PRR29: variants seen among roughly 807,000 people sequenced by gnomAD.
PRR29 encodes proline-rich protein 29.
In PRR29, 20 loss-of-function variants were observed where a neutral mutation model predicts 25.1. The ratio of observed to expected loss-of-function variants is 0.80; its 90% CI spans 0.56 to 1.16. The LOEUF is 1.16. Among genes scored for constraint, PRR29 ranks in the 50% most tolerant of loss-of-function variants. The probability of loss-of-function intolerance (pLI) is 0.00; values close to 1 mark genes in which losing one functional copy is unlikely to be tolerated. For synonymous variants in PRR29, 108 were observed against 102.6 expected (o/e 1.05, Z -0.32); for missense variants, 238 against 246.6 (o/e 0.97, Z 0.23).
rs1186495158 is a variant in PRR29 at position 64,003,744 on chromosome 17, A to G, written c.*1983A>G. On this transcript the variant is annotated 3_prime_UTR_variant, in exon 6 of 6. Transcript: ENST00000412177. ...CCAGGCAGGAGAAGTTGCGGTGGCCATCCTCTCTGTCAGCCGTGCTGTTGA... is the reference window on the plus strand; with the variant it reads ...CCAGGCAGGAGAAGTTGCGGTGGCCGTCCTCTCTGTCAGCCGTGCTGTTGA... 6.2e-7 allele frequency: 1 copy of G among 1,614,104 alleles called. No individual in the cohort carries two copies. Among genetic ancestry groups the G allele is most frequent in the African/African-American group, 1.3e-5 (1 of 74,938 alleles).
intron 3 of PRR29, among the ~76,000 whole-genome samples, chr17:64,000,289 TA>T (rs1910551560): frequency 6.6e-6 from 1 of 152,216 alleles, no homozygotes; most frequent in Non-Finnish European, 1.5e-5. Context: ...CCGCATGTAG[TA>T]AACGCTCAAT....
Position 64,001,542 on chromosome 17 carries a change from G to A in PRR29, c.541+5G>A. On this transcript the variant is annotated splice_donor_5th_base_variant and intron_variant, in intron 5 of 5. Coordinates refer to ENST00000412177, the MANE Select transcript of PRR29 (RefSeq NM_001164257.2). ...CTGATGTACCCCCGGCTTCAGGTAG[G>A]GCTGGGGTGGTGGGCAGCGGGGCCC... 6.6e-7 allele frequency: 1 copy of A among 1,517,982 alleles called. No individual in the cohort carries two copies. The highest frequency in any genetic ancestry group is 8.8e-7 in the Non-Finnish European group (1 of 1,138,988). 94.0% of individuals were successfully genotyped at this position (1,517,982 alleles called of 1,614,324 possible).
chr17:64,001,165 C>CA lies in PRR29; in HGVS notation c.326dup (p.His109GlnfsTer67), dbSNP rs1910701139. On this transcript the variant is annotated frameshift_variant, in exon 4 of 6. Coordinates refer to ENST00000412177, the MANE Select transcript of PRR29 (RefSeq NM_001164257.2). LOFTEE classifies it high-confidence loss of function. ...GCGGGAGAAAGGGCCTTTGGTGTTTCACCACCACTACTTGCCCTATTTGAT... is the reference window on the plus strand; with the variant it reads ...GCGGGAGAAAGGGCCTTTGGTGTTTCAACCACCACTACTTGCCCTATTTGAT... 6.5e-7 allele frequency: 1 copy of CA among 1,537,336 alleles called. No individual in the cohort carries two copies. The highest frequency in any genetic ancestry group is 8.7e-7 in the Non-Finnish European group (1 of 1,146,966).
Position 64,002,011 on chromosome 17 carries a change from A to T in PRR29, c.*250A>T. On this transcript the variant is annotated 3_prime_UTR_variant, in exon 6 of 6. Transcript: ENST00000412177. ...GAGCACCACCCAGGCCCTTGAAGCC[A>T]CGTCAGCCCGCCTCTGCCCCACTGC... The T allele has an allele frequency of 6.5e-7, 1 of 1,526,860 alleles. No individual in the cohort carries two copies. The highest frequency in any genetic ancestry group is 1.2e-5 in the South Asian group (1 of 83,678). 94.6% of individuals were successfully genotyped at this position (1,526,860 alleles called of 1,614,324 possible).
At chr17:63,999,262 A>AC (rs891051406) in intron 3 of PRR29, 188 bp downstream of exon 3, 25 of 596,060 alleles carry the variant, frequency 4.2e-5, no homozygotes, top group Admixed American at 3.3e-4. Context: ...CGGGGAAGAG[A>AC]CCCCCCAAAG....
chr17:63,998,423 C>G lies in PRR29; in HGVS notation c.59C>G (p.Thr20Arg). Residue 20 changes from threonine (T) to arginine (R), a missense_variant and splice_region_variant, in exon 1 of 6, where the codon ACG becomes AGG. Physicochemically the swap from Thr to Arg is moderately conservative, Grantham distance 71 (BLOSUM62 -1). Coordinates refer to ENST00000412177, the MANE Select transcript of PRR29 (RefSeq NM_001164257.2). ...GRSPPQSAVP[T>R]PWVTFLQPLS... ...TCCCCACCGCAGAGCGCAGTCCCGA[C>G]GGTGAGGGCTGAGCCCGGGAGCAGA... 6.7e-7 allele frequency: 1 copy of G among 1,489,046 alleles called. No individual in the cohort carries two copies. The highest frequency in any genetic ancestry group is 1.3e-5 in the South Asian group (1 of 77,918). 92.2% of individuals were successfully genotyped at this position (1,489,046 alleles called of 1,614,324 possible). A position where few individuals can be genotyped will look rare whatever the true frequency, so the allele number is the denominator to read the frequency against.
Position 64,001,524 on chromosome 17 carries a change from A to G in PRR29, c.528A>G (p.Val176=), listed in dbSNP as rs1567841261. 1.3e-6 allele frequency: 2 copies of G among 1,515,912 alleles called. No homozygotes were observed. Among genetic ancestry groups the G allele is most frequent in the East Asian group, 2.4e-5 (1 of 40,826 alleles). The allele number at this position is 1,515,912 out of a possible 1,614,324, so 93.9% of individuals were successfully genotyped here. ...PSATGTVGAD[V]PPASDYYDAE... ...CCACAGGGACTGTGGGTGCTGATGT[A>G]CCCCCGGCTTCAGGTAGGGCTGGGG... The change falls in exon 5 of 6, where the codon GTA becomes GTG. Residue 176 remains valine (V), a synonymous_variant. Coordinates refer to ENST00000412177, the MANE Select transcript of PRR29 (RefSeq NM_001164257.2).
intron 4 of PRR29, 55 bp downstream of exon 4, chr17:64,001,365 A>AG: frequency 6.6e-7 from 1 of 1,507,638 alleles, no homozygotes; most frequent in Non-Finnish European, 8.9e-7. Context: ...GTTGCAGAAG[A>AG]GCTGTGCAGG....
Position 64,003,560 on chromosome 17 carries a change from C to T in PRR29, c.*1799C>T. 6.2e-6 allele frequency: 8 copies of T among 1,298,624 alleles called. No individual in the cohort carries two copies. Among genetic ancestry groups the T allele is most frequent in the Non-Finnish European group, 8.7e-6 (8 of 919,974 alleles). The allele number at this position is 1,298,624 out of a possible 1,614,324, so 80.4% of individuals were successfully genotyped here. ...GGGTGGGCTCCTGGGTGTTTGCTTCCCAAGTGGGACTCAAGATTTTTCTTC... is the reference window on the plus strand; with the variant it reads ...GGGTGGGCTCCTGGGTGTTTGCTTCTCAAGTGGGACTCAAGATTTTTCTTC... On this transcript the variant is annotated 3_prime_UTR_variant, in exon 6 of 6. Transcript: ENST00000412177.
chr17:64,001,122 G>A lies in PRR29; in HGVS notation c.282G>A (p.Glu94=), dbSNP rs1175761338. Residue 94 remains glutamate, a synonymous_variant, in exon 4 of 6, where the codon GAG becomes GAA. Transcript: ENST00000412177. The part of the protein sequence containing the change: ...LEVPQEEPEE[E]EEEMDVREKG... ...TTCCACAGGAAGAGCCTGAGGAGGA[G>A]GAGGAGGAGATGGACGTGCGGGAGA... 4 of 1,537,418 alleles carry A rather than the reference G, an allele frequency of 2.6e-6. No homozygotes were observed. The highest frequency in any genetic ancestry group is 3.5e-6 in the Non-Finnish European group (4 of 1,147,006).
chr17:64,001,444 T>C, intron 4 of PRR29, 23 bp from the exon 5 acceptor site: 1 of 1,493,974 alleles, frequency 6.7e-7, no homozygotes, highest in Non-Finnish European at 8.9e-7. Context: ...CTGATGGGGG[T>C]CTTTTTCTTT....
chr17:63,999,322 C>A (rs1567839053), intron 3 of PRR29: 6 of 562,154 alleles, frequency 1.1e-5, no homozygotes, highest in Non-Finnish European at 1.6e-5. Flanking sequence ...GTAGTGCCTC[C>A]CCCACTGGAC....
At position 64,001,517 on chromosome 17, in the gene PRR29, C is replaced by G; in HGVS notation, c.521C>G (p.Ala174Gly). 1 of 1,516,482 alleles carries G rather than the reference C, an allele frequency of 6.6e-7. No homozygotes were observed. The highest frequency in any genetic ancestry group is 1.2e-5 in the South Asian group (1 of 80,932). The allele number at this position is 1,516,482 out of a possible 1,614,324, so 93.9% of individuals were successfully genotyped here. ...CCCAGTGCCACAGGGACTGTGGGTG[C>G]TGATGTACCCCCGGCTTCAGGTAGG... ...PPPSATGTVG[A>G]DVPPASDYYD... Residue 174 changes from alanine to glycine, a missense_variant, in exon 5 of 6, where the codon GCT becomes GGT. By Grantham distance (60) the Ala-to-Gly change is moderately conservative. Coordinates refer to ENST00000412177, the MANE Select transcript of PRR29 (RefSeq NM_001164257.2).
At chr17:63,998,448 A>G (rs1910269094) in intron 1 of PRR29, 24 bp downstream of exon 1, 1 of 1,464,436 alleles carries the variant, frequency 6.8e-7, no homozygotes, top group Non-Finnish European at 9.0e-7. Flanking sequence ...CCGGGAGCAG[A>G]TCCTGCCTTA....
rs1910850699 is a variant in PRR29, at chr17:64,002,592, G to A, written c.*831G>A. ...CCAGGAGGAGACACTGTGGGCACAG[G>A]GCTAAGTCCAGGTGTTTGTATTCGG... On this transcript the variant is annotated 3_prime_UTR_variant, in exon 6 of 6. Coordinates refer to ENST00000412177, the MANE Select transcript of PRR29 (RefSeq NM_001164257.2). The A allele has an allele frequency of 1.3e-5, 9 of 692,448 alleles. No individual in the cohort carries two copies. The highest frequency in any genetic ancestry group is 1.4e-5 in the Non-Finnish European group (6 of 419,194). 42.9% of individuals were successfully genotyped at this position (692,448 alleles called of 1,614,324 possible).
In PRR29 at chr17:64,001,490, C is replaced by T; in HGVS notation, c.494C>T (p.Pro165Leu). The change falls in exon 5 of 6, where the codon CCC becomes CTC. Residue 165 changes from proline (P) to leucine (L), a missense_variant. Pro to Leu is a moderately conservative substitution (Grantham distance 98, BLOSUM62 -3). Transcript: ENST00000412177. ...AGGAGAGCTGTGCCCCCACCCCCAC[C>T]CCCCAGTGCCACAGGGACTGTGGGT... The part of the protein sequence containing the change: ...REVRAVPPPP[P>L]PSATGTVGAD... 1 of 1,483,238 alleles carries T rather than the reference C, an allele frequency of 6.7e-7. No homozygotes were observed. The highest frequency in any genetic ancestry group is 8.9e-7 in the Non-Finnish European group (1 of 1,123,554). The allele number at this position is 1,483,238 out of a possible 1,614,324, so 91.9% of individuals were successfully genotyped here.
Position 63,999,068 on chromosome 17 carries a change from C to A in PRR29, c.237C>A (p.Cys79Ter). 2 of 1,535,122 alleles carry A rather than the reference C, an allele frequency of 1.3e-6. No individual in the cohort carries two copies. The highest frequency in any genetic ancestry group is 1.7e-6 in the Non-Finnish European group (2 of 1,146,206). Residue 79 changes from cysteine to a stop codon, truncating the protein, a stop_gained, in exon 3 of 6, where the codon TGC (cysteine) becomes TGA (stop). Coordinates refer to ENST00000412177, the MANE Select transcript of PRR29 (RefSeq NM_001164257.2). LOFTEE classifies it high-confidence loss of function. ...GALQPRPASP[C>*]PQVYLEVPQE... ...TGCAGCCCCGGCCTGCCTCGCCCTG[C>A]CCTCAGGTGCGTGTGGGTGGGCCGC...
In PRR29 at chr17:63,998,796, G is replaced by GGGGGGGC; in HGVS notation, c.136+14_136+15insGGGGGGC. ...GCGTGAAGGAAGGTGAGACTCCCGG[G>GGGGGGGC]TCCCCCCACCCCACCCCCACCATCA... is the stretch of plus-strand genomic sequence containing the variant. On this transcript the variant is annotated intron_variant, in intron 2 of 5. Transcript: ENST00000412177. 7.4e-7 allele frequency: 1 copy of GGGGGGGC among 1,345,624 alleles called. No individual in the cohort carries two copies. The highest frequency in any genetic ancestry group is 1.0e-6 in the Non-Finnish European group (1 of 975,994). 83.4% of individuals were successfully genotyped at this position (1,345,624 alleles called of 1,614,324 possible). A position where few individuals can be genotyped will look rare whatever the true frequency, so the allele number is the denominator to read the frequency against.
At position 64,002,235 on chromosome 17, in the gene PRR29, C is replaced by T. The variant is rs1910824311; in HGVS notation, c.*474C>T. On this transcript the variant is annotated 3_prime_UTR_variant, in exon 6 of 6. Coordinates refer to ENST00000412177, the MANE Select transcript of PRR29 (RefSeq NM_001164257.2). ...CCAGAGTGGTCGGGGAGAGACTTTG[C>T]TGGGCAGCGCCCCTGAGCAGAGTCA... 2 of 561,006 alleles carry T rather than the reference C, an allele frequency of 3.6e-6. No homozygotes were observed. The highest frequency in any genetic ancestry group is 3.1e-5 in the East Asian group (1 of 32,654). 34.8% of individuals were successfully genotyped at this position (561,006 alleles called of 1,614,324 possible).
Sources: gnomAD v4.1 joint callset for allele counts (sites outside exome capture counted in the v4.1 genomes callset) on GRCh38, gnomAD v4.1.1 for gene constraint, MANE v1.5 for transcripts, NCBI Gene and HGNC (gene_info 2026-07-23, HGNC 2026-07-21) for gene names.